The following RSU1 variants were observed in gnomAD, a reference collection of about 807,000 sequenced individuals.
RSU1 encodes the protein Ras suppressor protein 1.
RSU1 carries 26 observed loss-of-function variants against 31.1 expected under a neutral mutation model. That is an observed-to-expected ratio of 0.84 (90% CI 0.61 to 1.16). The LOEUF (loss-of-function observed/expected upper bound fraction) is 1.16, where lower values mean the gene tolerates loss of function less well. Among genes scored for constraint, RSU1 ranks in the 50% most tolerant of loss-of-function variants. The probability of loss-of-function intolerance (pLI) is 0.00; values close to 1 mark genes in which losing one functional copy is unlikely to be tolerated. For missense variants in RSU1, 320 were observed against 339.1 expected (o/e 0.94, Z 0.44); for synonymous variants, 164 against 136.3 (o/e 1.20, Z -1.41).
intron 8 of RSU1, among the ~76,000 whole-genome samples, chr10:16,633,623 G>A (rs569063064): frequency 6.6e-6 from 1 of 152,244 alleles, no homozygotes; most frequent in Admixed American, 6.5e-5. Flanking sequence ...TGAGTCCCAG[G>A]TCACTGGGGG....
intron 2 of RSU1, among the ~76,000 whole-genome samples, chr10:16,804,062 T>C (rs1234707473): frequency 6.6e-6 from 1 of 152,174 alleles, no homozygotes; most frequent in Admixed American, 6.5e-5. Flanking sequence ...GAGAAAGTAT[T>C]TGTTAACACA....
chr10:16,735,655 C>A (rs968144217), intron 7 of RSU1, among the ~76,000 whole-genome samples: 3 of 152,126 alleles, frequency 2.0e-5, no homozygotes, highest in African/African-American at 7.2e-5. Context: ...AGGAAACTTA[C>A]AATCATGGCA....
At chr10:16,623,652 C>G (rs1018327045) in intron 8 of RSU1, among the ~76,000 whole-genome samples, 4 of 152,194 alleles carry the variant, frequency 2.6e-5, no homozygotes, top group Non-Finnish European at 5.9e-5. Flanking sequence ...CAGTATATAA[C>G]CATTCCGTGT....
At position 16,785,499 on chromosome 10, in the gene RSU1, T is replaced by TATATAC. The variant is rs1384184897; in HGVS notation, c.110-3416_110-3415insGTATAT. The stretch of plus-strand genomic sequence containing the variant: ...ATATATACATATATACATATATATA[T>TATATAC]ACACATATATACATATATATATATA... On this transcript the variant is annotated intron_variant, in intron 2 of 8. Transcript: ENST00000345264. Among the ~76,000 whole-genome samples, 634 of 123,052 alleles carry TATATAC rather than the reference T, an allele frequency of 5.2e-3. 11 individuals carry two copies. The highest frequency in any genetic ancestry group is 0.02 in the African/African-American group (540 of 27,276). 80.7% of individuals were successfully genotyped at this position (123,052 alleles called of 152,430 possible).
At chr10:16,695,773 G>A (rs1378531050) in intron 7 of RSU1, among the ~76,000 whole-genome samples, 1 of 152,250 alleles carries the variant, frequency 6.6e-6, no homozygotes, top group Admixed American at 6.5e-5. Context: ...TTACTTTATA[G>A]GTGAAGAAAT....
Position 16,610,444 on chromosome 10 carries a change from G to A in RSU1, c.732-16948C>T, listed in dbSNP as rs535706033. Among the ~76,000 whole-genome samples the A allele has an allele frequency of 5.3e-5, 8 of 152,268 alleles. No individual in the cohort carries two copies. The South Asian group carries it at 8.3e-4, about 16-fold the overall frequency. On this transcript the variant is annotated intron_variant, in intron 8 of 8. Coordinates refer to ENST00000345264, the MANE Select transcript of RSU1 (RefSeq NM_012425.4). ...TTGGGCCGTGGACAGGTACCTAACC[G>A]CAGCCTGTTAGAAGCTGGGCTGCAT...
chr10:16,673,172 A>G (rs746919735), intron 8 of RSU1, among the ~76,000 whole-genome samples: 61 of 152,250 alleles, frequency 4.0e-4, no homozygotes, highest in African/African-American at 1.4e-3. Context: ...TTCAGGGTCC[A>G]TAAGTCCCGC....
intron 4 of RSU1, among the ~76,000 whole-genome samples, chr10:16,756,948 TGTGTGGTGTGGGGTAGGTATGAGTGTG>T (rs1488396090): frequency 6.1e-5 from 9 of 148,372 alleles, no homozygotes; most frequent in African/African-American, 2.0e-4. Context: ...GGCGGGTATG[TGTGTGGTGTGGGGTAGGTATGAGTGTG>T]GTGTGGTGTG....
intron 7 of RSU1, among the ~76,000 whole-genome samples, chr10:16,726,526 A>G (rs1213507600): frequency 6.6e-6 from 1 of 152,048 alleles, no homozygotes; most frequent in Non-Finnish European, 1.5e-5. Flanking sequence ...CGGCCTCCCA[A>G]AGTGCTGGGA....
In RSU1 at chr10:16,590,845, G is replaced by C. The variant is rs1315638532; in HGVS notation, c.*2549C>G. 1 of 152,110 alleles carries C rather than the reference G, an allele frequency of 6.6e-6. No homozygotes were observed. Among genetic ancestry groups the C allele is most frequent in the African/African-American group, 2.4e-5 (1 of 41,430 alleles). 9.4% of individuals were successfully genotyped at this position (152,110 alleles called of 1,614,324 possible). Reference sequence around the variant, plus strand: ...AGCTGGGACCATCCTTATATAGTTAGTTTTAAAAATCTTGCTTTTTCTGTT... The same window carrying C: ...AGCTGGGACCATCCTTATATAGTTACTTTTAAAAATCTTGCTTTTTCTGTT... On this transcript the variant is annotated 3_prime_UTR_variant, in exon 9 of 9. Coordinates refer to ENST00000345264, the MANE Select transcript of RSU1 (RefSeq NM_012425.4).
At chr10:16,600,069 A>C (rs1360412406) in intron 8 of RSU1, among the ~76,000 whole-genome samples, 1 of 152,150 alleles carries the variant, frequency 6.6e-6, no homozygotes, top group Non-Finnish European at 1.5e-5. Flanking sequence ...AAAAAACGAG[A>C]AACCGCACTC....
chr10:16,785,980 T>A (rs894744886), intron 2 of RSU1, among the ~76,000 whole-genome samples: 1 of 152,040 alleles, frequency 6.6e-6, no homozygotes, highest in African/African-American at 2.4e-5. Flanking sequence ...CCCCCCACAA[T>A]TGGGATATCT....
chr10:16,623,458 G>A (rs1834105134), intron 8 of RSU1, among the ~76,000 whole-genome samples: 1 of 152,154 alleles, frequency 6.6e-6, no homozygotes, highest in South Asian at 2.1e-4. Context: ...TTGATTCCAT[G>A]CCTTTGCTAT....
At chr10:16,646,047 TGTGTATATATATATACAC>T (rs1236644830) in intron 8 of RSU1, among the ~76,000 whole-genome samples, 1 of 37,298 alleles carries the variant, frequency 2.7e-5, no homozygotes, top group Non-Finnish European at 5.0e-5. Context: ...TATACATATA[TGTGTATATATATATACAC>T]ACACACACAC....
intron 8 of RSU1, among the ~76,000 whole-genome samples, chr10:16,630,325 G>C (rs1834227273): frequency 6.6e-6 from 1 of 152,188 alleles, no homozygotes; most frequent in Non-Finnish European, 1.5e-5. Flanking sequence ...AAATGATTAG[G>C]AAGTTTCCAT....
rs185286370 is a variant in RSU1 at position 16,602,497 on chromosome 10, G to C, written c.732-9001C>G. On this transcript the variant is annotated intron_variant, in intron 8 of 8. Coordinates refer to ENST00000345264, the MANE Select transcript of RSU1 (RefSeq NM_012425.4). ...ACTAAGTTACCTCATCTCCCATCTT[G>C]GTTTTGTTTTCTTAAGAAGTCTACC... Among the ~76,000 whole-genome samples the C allele has an allele frequency of 1.2e-3, 184 of 152,300 alleles. 1 individual carries two copies. The highest frequency in any genetic ancestry group is 4.3e-3 in the African/African-American group (179 of 41,552).
chr10:16,764,316 C>A (rs1837268165), intron 4 of RSU1, 74 bp downstream of exon 4: 4 of 1,417,776 alleles, frequency 2.8e-6, no homozygotes, highest in East Asian at 2.5e-5. Context: ...TAAAAGGAAT[C>A]CCTCCCCTGG....
chr10:16,621,416 A>G (rs560838975), intron 8 of RSU1, among the ~76,000 whole-genome samples: 1 of 152,330 alleles, frequency 6.6e-6, no homozygotes, highest in Non-Finnish European at 1.5e-5. Context: ...CTGAAATGTA[A>G]CATTTCCTTC....
chr10:16,667,895 G>C (rs1427264295), intron 8 of RSU1, among the ~76,000 whole-genome samples: 1 of 152,060 alleles, frequency 6.6e-6, no homozygotes, highest in African/African-American at 2.4e-5. Flanking sequence ...AAAAAGATAC[G>C]TAATCTGAGC....
Sources: gnomAD v4.1 joint callset for allele counts (sites outside exome capture counted in the v4.1 genomes callset) on GRCh38, gnomAD v4.1.1 for gene constraint, MANE v1.5 for transcripts, NCBI Gene and HGNC (gene_info 2026-07-23, HGNC 2026-07-21) for gene names.